GLS: variants seen among roughly 807,000 people sequenced by gnomAD.
GLS encodes glutaminase, also known as glutaminase kidney isoform, mitochondrial.
A neutral mutation model predicts 86.7 loss-of-function variants in GLS; 36 were observed. The observed-to-expected ratio is 0.42, with a 90% confidence interval of 0.32 to 0.55. The LOEUF (loss-of-function observed/expected upper bound fraction) is 0.55. GLS is among the 20% of genes least tolerant of loss of function. The pLI, the probability that GLS is intolerant of heterozygous loss-of-function variation, is 0.17. For missense variants in GLS, 528 were observed against 833.4 expected (o/e 0.63, Z 4.51); for synonymous variants, 317 against 305.9 (o/e 1.04, Z -0.38).
intron 7 of GLS, among the ~76,000 whole-genome samples, chr2:190,910,684 A>G (rs989468229): frequency 1.3e-5 from 2 of 151,580 alleles, no homozygotes; most frequent in African/African-American, 4.8e-5. Flanking sequence ...AGTTATAAAT[A>G]GAATTAAAGG....
intron 14 of GLS, among the ~76,000 whole-genome samples, chr2:190,946,242 A>C (rs939978071): frequency 6.6e-6 from 1 of 152,242 alleles, no homozygotes; most frequent in African/African-American, 2.4e-5. Flanking sequence ...CTTTAGCCAC[A>C]GTATAATAGG....
intron 13 of GLS, 118 bp from the exon 14 acceptor site, chr2:190,931,427 A>T (rs372255479): frequency 4.3e-6 from 2 of 465,122 alleles, no homozygotes. Context: ...ATACTACTTT[A>T]TTAGCATGTA....
At position 190,886,529 on chromosome 2, in the gene GLS, G is replaced by T. The variant is rs1173356795; in HGVS notation, c.386+5059G>T. 2.0e-5 allele frequency among the ~76,000 whole-genome samples: 3 copies of T among 152,188 alleles called. No individual in the cohort carries two copies. The East Asian group carries it at 5.8e-4, about 29-fold the overall frequency. ...CAATATGTAGGCCAGCTAAAAGGGA[G>T]GGGGGGCACTATTTTAGTCCAAAGA... On this transcript the variant is annotated intron_variant, in intron 1 of 17. Transcript: ENST00000320717.
chr2:190,886,357 A>G (rs1314627462), intron 1 of GLS, among the ~76,000 whole-genome samples: 1 of 152,226 alleles, frequency 6.6e-6, no homozygotes, highest in Non-Finnish European at 1.5e-5. Flanking sequence ...CACTGAAAGA[A>G]CAAGAATTAG....
rs1688114647 is a variant in GLS, at chr2:190,880,881, AGCAGCAGCAGCAGCAGCAGCAG to A, written c.-203_-182del. The A allele has an allele frequency of 2.7e-6, 1 of 366,560 alleles. No individual in the cohort carries two copies. The allele number at this position is 366,560 out of a possible 1,614,324, so 22.7% of individuals were successfully genotyped here. Reference sequence around the variant, plus strand: ...CGCGGCAATCCTAGCGCGCAGCAGCAGCAGCAGCAGCAGCAGCAGCAGCAGCAGCAGCAGCAGCACCCGCATC... The same window carrying A: ...CGCGGCAATCCTAGCGCGCAGCAGCACAGCAGCAGCAGCAGCACCCGCATC... On this transcript the variant is annotated 5_prime_UTR_variant, in exon 1 of 18. Coordinates refer to ENST00000320717, the MANE Select transcript of GLS (RefSeq NM_014905.5).
At position 190,953,950 on chromosome 2, in the gene GLS, ATGTGTGTGTGTGTG is replaced by A. The variant is rs57991546; in HGVS notation, c.1712+357_1712+370del. Among the ~76,000 whole-genome samples the A allele has an allele frequency of 5.4e-4, 74 of 136,768 alleles. No homozygotes were observed. Among genetic ancestry groups the A allele is most frequent in the Middle Eastern group, 3.6e-3 (1 of 276 alleles). 89.7% of individuals were successfully genotyped at this position (136,768 alleles called of 152,430 possible). Reference sequence around the variant, plus strand: ...CTACCCTCCATTCCCAATCTTTGATATGTGTGTGTGTGTGTGTGTGTGTGTGTGTGTGTGTGTGT... The same window carrying A: ...CTACCCTCCATTCCCAATCTTTGATATGTGTGTGTGTGTGTGTGTGTGTGT... On this transcript the variant is annotated intron_variant, in intron 15 of 17. Coordinates refer to ENST00000320717, the MANE Select transcript of GLS (RefSeq NM_014905.5). This position sits in a 1 kb window ranked among gnomAD's most constrained non-coding sequence, Gnocchi z 4.0.
chr2:190,917,232 A>T (rs192178920), intron 7 of GLS, among the ~76,000 whole-genome samples: 1 of 152,310 alleles, frequency 6.6e-6, no homozygotes, highest in African/African-American at 2.4e-5. Context: ...TATTTCAATG[A>T]TCTTCAGAGC....
At chr2:190,900,461 A>G (rs752917096) in intron 3 of GLS, 103 bp from the exon 4 acceptor site, 186 of 518,534 alleles carry the variant, frequency 3.6e-4, no homozygotes, top group Middle Eastern at 1.6e-3. Context: ...TAAAATGATA[A>G]ATTTATCTAT....
At position 190,954,528 on chromosome 2, in the gene GLS, A is replaced by C. The variant is rs1690809837; in HGVS notation, c.1713-56A>C. 9.1e-7 allele frequency: 1 copy of C among 1,103,112 alleles called. No homozygotes were observed. The highest frequency in any genetic ancestry group is 1.6e-5 in the African/African-American group (1 of 64,018). 68.3% of individuals were successfully genotyped at this position (1,103,112 alleles called of 1,614,324 possible). A position where few individuals can be genotyped will look rare whatever the true frequency, so the allele number is the denominator to read the frequency against. On this transcript the variant is annotated intron_variant, in intron 15 of 17. Transcript: ENST00000320717. This position sits in a 1 kb window ranked among gnomAD's most constrained non-coding sequence, Gnocchi z 4.0. The stretch of plus-strand genomic sequence containing the variant: ...ATGAACTGATGGAGTGAATGTTACC[A>C]GTGTGAATTAAATTTGCTTTATATA...
chr2:190,901,222 A>G (rs770934102), intron 4 of GLS, among the ~76,000 whole-genome samples: 1 of 152,062 alleles, frequency 6.6e-6, no homozygotes, highest in Non-Finnish European at 1.5e-5. Flanking sequence ...ACTTATAACT[A>G]CTGTTATAAG....
intron 11 of GLS, chr2:190,926,911 T>G (rs1413236562): frequency 6.4e-6 from 1 of 157,088 alleles, no homozygotes; most frequent in Non-Finnish European, 1.4e-5. Context: ...AATCTTCATG[T>G]ATGGTGCTTT....
chr2:190,902,362 T>C (rs1340839067), intron 5 of GLS, among the ~76,000 whole-genome samples: 1 of 152,216 alleles, frequency 6.6e-6, no homozygotes, highest in African/African-American at 2.4e-5. Flanking sequence ...AATTAGTCCC[T>C]ATTTCTCAAC....
In GLS at chr2:190,921,881, A is replaced by G. The variant is rs1689749600; in HGVS notation, c.1130+678A>G. ...ATCTCTTCCCCAAATGTCTTTTACA[A>G]CTTTTATTATTATTTTTTAGATTCA... On this transcript the variant is annotated intron_variant, in intron 9 of 17. Coordinates refer to ENST00000320717, the MANE Select transcript of GLS (RefSeq NM_014905.5). The surrounding 1 kb of genome is among the most constrained non-coding windows in gnomAD (Gnocchi z 4.2). 6.6e-6 allele frequency among the ~76,000 whole-genome samples: 1 copy of G among 152,080 alleles called. No individual in the cohort carries two copies.
chr2:190,948,974 T>C (rs926954846), intron 14 of GLS, among the ~76,000 whole-genome samples: 1 of 152,088 alleles, frequency 6.6e-6, no homozygotes, highest in African/African-American at 2.4e-5. Context: ...GGCAATAAGC[T>C]ACATAGATAA....
intron 14 of GLS, among the ~76,000 whole-genome samples, chr2:190,937,383 G>A (rs1250780278): frequency 2.0e-5 from 3 of 151,240 alleles, no homozygotes; most frequent in Non-Finnish European, 3.0e-5. Context: ...ATGACTTTGA[G>A]AAATTTAGAA....
Position 190,965,548 on chromosome 2 carries a change from A to G in GLS, c.*2562A>G, listed in dbSNP as rs116804530. 9.2e-3 allele frequency: 1,400 copies of G among 152,654 alleles called. 20 individuals are homozygous for G. Among genetic ancestry groups the G allele is most frequent in the Non-Finnish European group, 0.013 (865 of 68,030 alleles). The allele number at this position is 152,654 out of a possible 1,614,324, so 9.5% of individuals were successfully genotyped here. A position where few individuals can be genotyped will look rare whatever the true frequency, so the allele number is the denominator to read the frequency against. ...GCATAATAAATATATGTATCAAAAA[A>G]AAAACTGTGTGGAAAAAATGAATTT... On this transcript the variant is annotated 3_prime_UTR_variant, in exon 18 of 18. Transcript: ENST00000320717. This position sits in a 1 kb window ranked among gnomAD's most constrained non-coding sequence, Gnocchi z 5.0.
chr2:190,942,778 C>T (rs1690476065), intron 14 of GLS, among the ~76,000 whole-genome samples: 1 of 152,088 alleles, frequency 6.6e-6, no homozygotes, highest in African/African-American at 2.4e-5. Context: ...ATTGACAGTG[C>T]TTTAAACATA....
intron 1 of GLS, among the ~76,000 whole-genome samples, chr2:190,887,704 A>G (rs1688433636): frequency 2.0e-5 from 3 of 152,182 alleles, no homozygotes; most frequent in African/African-American, 4.8e-5. Flanking sequence ...AGTTCACAAA[A>G]TAAACTGAAG....
chr2:190,888,106 AC>A (rs1244522536), intron 1 of GLS, among the ~76,000 whole-genome samples: 8 of 152,196 alleles, frequency 5.3e-5, no homozygotes, highest in Non-Finnish European at 8.8e-5. Flanking sequence ...ACAGTAAAAA[AC>A]ATTCCATAGT....
Sources: gnomAD v4.1 joint callset for allele counts (sites outside exome capture counted in the v4.1 genomes callset) on GRCh38, gnomAD v4.1.1 for gene constraint, Gnocchi (gnomAD v3.1) non-coding constraint, MANE v1.5 for transcripts, NCBI Gene and HGNC (gene_info 2026-07-23, HGNC 2026-07-21) for gene names.